Variants in ASAP1 observed in about 807,000 individuals in gnomAD.
ASAP1 encodes the protein ArfGAP with SH3 domain, ankyrin repeat and PH domain 1.
Under a neutral mutation model 145.2 loss-of-function variants are expected in ASAP1, and 43 were observed. That is an observed-to-expected ratio of 0.30 (90% CI 0.23 to 0.38). ASAP1 has a LOEUF of 0.38. ASAP1 is among the 10% of genes least tolerant of loss of function. ASAP1 has a pLI of 1.00. For synonymous variants in ASAP1, 546 were observed against 515.5 expected (o/e 1.06, Z -0.80); for missense variants, 1,018 against 1,355.3 (o/e 0.75, Z 3.91).
chr8:130,316,876 C>T (rs1358751306), intron 3 of ASAP1, among the ~76,000 whole-genome samples: 5 of 152,164 alleles, frequency 3.3e-5, no homozygotes, highest in African/African-American at 9.7e-5. Context: ...TTAATACTGG[C>T]CAAAGATCAA....
intron 27 of ASAP1, among the ~76,000 whole-genome samples, chr8:130,072,812 T>TGC (rs1564927878): frequency 9.4e-5 from 3 of 31,920 alleles, no homozygotes; most frequent in Non-Finnish European, 1.8e-4. Flanking sequence ...TGTGTGTGTG[T>TGC]GTGTGTGTGT....
chr8:130,392,214 T>C (rs564395781), intron 2 of ASAP1, among the ~76,000 whole-genome samples: 10 of 152,344 alleles, frequency 6.6e-5, no homozygotes, highest in African/African-American at 2.4e-4. Flanking sequence ...ATCTGTTTTT[T>C]AAAAAGCCCC....
chr8:130,071,085 AT>A (rs1321940337), intron 27 of ASAP1, among the ~76,000 whole-genome samples: 1 of 148,958 alleles, frequency 6.7e-6, no homozygotes, highest in Non-Finnish European at 1.5e-5. Flanking sequence ...AAAAAAAAGT[AT>A]TTTTTCTCCC....
chr8:130,323,436 T>G (rs887839908), intron 3 of ASAP1, among the ~76,000 whole-genome samples: 1 of 152,212 alleles, frequency 6.6e-6, no homozygotes, highest in African/African-American at 2.4e-5. Context: ...AAAGGCAGCA[T>G]TAAACTGACC....
At chr8:130,241,219 C>T (rs1018526250) in intron 3 of ASAP1, among the ~76,000 whole-genome samples, 1 of 152,216 alleles carries the variant, frequency 6.6e-6, no homozygotes, top group East Asian at 1.9e-4. Context: ...GATTAAGAGT[C>T]CTTTCCCCAC....
At chr8:130,221,024 G>A (rs1281922669) in intron 4 of ASAP1, among the ~76,000 whole-genome samples, 1 of 152,106 alleles carries the variant, frequency 6.6e-6, no homozygotes, top group Non-Finnish European at 1.5e-5. Context: ...AATTCAAGAT[G>A]AGATTTGGGT....
intron 13 of ASAP1, among the ~76,000 whole-genome samples, chr8:130,142,235 C>G (rs938004274): frequency 6.6e-6 from 1 of 152,168 alleles, no homozygotes; most frequent in Non-Finnish European, 1.5e-5. Context: ...ACTCTGCAGT[C>G]CAGCCTGGAA....
chr8:130,403,598 AC>A (rs1175608566), intron 1 of ASAP1, among the ~76,000 whole-genome samples: 1 of 141,864 alleles, frequency 7.0e-6, no homozygotes, highest in Admixed American at 7.4e-5. Flanking sequence ...CGTTGCCCAG[AC>A]TGGAGTGCAG....
At chr8:130,356,655 G>A (rs116003249) in intron 3 of ASAP1, among the ~76,000 whole-genome samples, 2 of 152,166 alleles carry the variant, frequency 1.3e-5, no homozygotes, top group Non-Finnish European at 2.9e-5. Flanking sequence ...ACTGACTCCA[G>A]AGAGAACTCT....
intron 3 of ASAP1, among the ~76,000 whole-genome samples, chr8:130,242,677 T>C (rs1371331562): frequency 6.6e-6 from 1 of 152,158 alleles, no homozygotes; most frequent in African/African-American, 2.4e-5. Context: ...AATCTCCATA[T>C]GCTAGAACAT....
chr8:130,155,562 C>T lies in ASAP1; in HGVS notation c.1011-2757G>A, dbSNP rs370620800. Among the ~76,000 whole-genome samples, 133 of 152,306 alleles carry T rather than the reference C, an allele frequency of 8.7e-4. 2 individuals carry two copies. Among genetic ancestry groups the T allele is most frequent in the Middle Eastern group, 3.4e-3 (1 of 294 alleles). On this transcript the variant is annotated intron_variant, in intron 12 of 29. Transcript: ENST00000518721. The stretch of plus-strand genomic sequence containing the variant: ...TTGTAGAGATAGGGTTTTGCCATGT[C>T]GCCCAGGCTGGTGGGCTCACGTGAT...
At chr8:130,306,996 G>A (rs1159947165) in intron 3 of ASAP1, among the ~76,000 whole-genome samples, 1 of 152,152 alleles carries the variant, frequency 6.6e-6, no homozygotes, top group Non-Finnish European at 1.5e-5. Context: ...GGCTCCTTCT[G>A]ACATCTCAGG....
chr8:130,188,653 A>C (rs1328086814), intron 5 of ASAP1, among the ~76,000 whole-genome samples: 1 of 147,544 alleles, frequency 6.8e-6, no homozygotes, highest in African/African-American at 2.5e-5. Context: ...AGAATCATTT[A>C]AACCTGGGAG....
intron 9 of ASAP1, among the ~76,000 whole-genome samples, chr8:130,169,501 A>G (rs1446489308): frequency 6.6e-6 from 1 of 152,254 alleles, no homozygotes; most frequent in Non-Finnish European, 1.5e-5. Context: ...TGATGGAACT[A>G]CAGATAAAGG....
intron 3 of ASAP1, among the ~76,000 whole-genome samples, chr8:130,317,281 G>T (rs572186859): frequency 6.6e-6 from 1 of 152,248 alleles, no homozygotes; most frequent in Admixed American, 6.5e-5. Flanking sequence ...TCATTATACA[G>T]TAACACCATA....
At chr8:130,208,989 A>C (rs1489672396) in intron 5 of ASAP1, among the ~76,000 whole-genome samples, 1 of 152,206 alleles carries the variant, frequency 6.6e-6, no homozygotes, top group African/African-American at 2.4e-5. Flanking sequence ...AATTATAGTT[A>C]TCTTTGATTA....
rs57005471 is a variant in ASAP1, at chr8:130,074,440, A to AACACACACACACAC, written c.2701+1894_2701+1907dup. ...TTATTACGGAAAATTCCAAATAGTAAACACACACACACACACACACACACA... is the reference window on the plus strand; with the variant it reads ...TTATTACGGAAAATTCCAAATAGTAAACACACACACACACACACACACACACACACACACACACA... On this transcript the variant is annotated intron_variant, in intron 27 of 29. Transcript: ENST00000518721. Among the ~76,000 whole-genome samples the AACACACACACACAC allele has an allele frequency of 1.8e-4, 22 of 119,326 alleles. No homozygotes were observed. The East Asian group carries it at 3.9e-3, about 21-fold the overall frequency. 78.3% of individuals were successfully genotyped at this position (119,326 alleles called of 152,430 possible).
intron 13 of ASAP1, among the ~76,000 whole-genome samples, chr8:130,148,383 T>C (rs2097637963): frequency 6.6e-6 from 1 of 152,236 alleles, no homozygotes; most frequent in Non-Finnish European, 1.5e-5. Context: ...GAGCACTAAG[T>C]ACACGTCAGG....
chr8:130,441,467 G>T (rs1038156861), intron 1 of ASAP1, among the ~76,000 whole-genome samples: 1 of 152,206 alleles, frequency 6.6e-6, no homozygotes, highest in South Asian at 2.1e-4. Flanking sequence ...GTGAAAAAAC[G>T]GCAGGGAAAA....
Sources: allele counts gnomAD v4.1 joint callset (sites outside exome capture counted in the v4.1 genomes callset), GRCh38; gene constraint gnomAD v4.1.1; transcripts MANE v1.5; gene names NCBI Gene and HGNC (gene_info 2026-07-23, HGNC 2026-07-21).